The following MAP4K5 variants were observed in gnomAD, a reference collection of about 807,000 sequenced individuals.
MAP4K5 encodes MAPK/ERK kinase kinase kinase 5.
MAP4K5 carries 82 observed loss-of-function variants against 135.6 expected under a neutral mutation model. That is an observed-to-expected ratio of 0.60 (90% CI 0.51 to 0.73). The LOEUF is 0.73. Among genes scored for constraint, MAP4K5 ranks in the 30% least tolerant of loss-of-function variants. The probability of loss-of-function intolerance (pLI) is 0.00; values close to 1 mark genes in which losing one functional copy is unlikely to be tolerated. For synonymous variants in MAP4K5, 347 were observed against 335.0 expected (o/e 1.04, Z -0.39); for missense variants, 907 against 1,010.9 (o/e 0.90, Z 1.39).
chr14:50,434,712 G>A, intron 27 of MAP4K5, 141 bp from the exon 28 acceptor site: 2 of 794,994 alleles, frequency 2.5e-6, no homozygotes, highest in South Asian at 1.8e-5. Context: ...ATGATAAGAA[G>A]GATGAATGTT....
intron 25 of MAP4K5, 86 bp from the exon 26 acceptor site, chr14:50,437,620 G>T: frequency 2.1e-6 from 2 of 945,714 alleles, no homozygotes; most frequent in South Asian, 1.6e-5. Context: ...GAATCAGACA[G>T]AAAGGAGCTT....
intron 14 of MAP4K5, among the ~76,000 whole-genome samples, chr14:50,453,938 G>T (rs1443151200): frequency 1.3e-5 from 2 of 151,978 alleles, no homozygotes; most frequent in South Asian, 2.1e-4. Flanking sequence ...AGACTGATTG[G>T]GTGTGATTCA....
At chr14:50,498,985 T>C (rs1414768688) in intron 3 of MAP4K5, among the ~76,000 whole-genome samples, 1 of 152,192 alleles carries the variant, frequency 6.6e-6, no homozygotes, top group Non-Finnish European at 1.5e-5. Flanking sequence ...CTGAACTGAA[T>C]GTTGGGAAAA....
chr14:50,497,335 G>A (rs985034154), intron 3 of MAP4K5, among the ~76,000 whole-genome samples: 10 of 152,228 alleles, frequency 6.6e-5, no homozygotes, highest in South Asian at 6.2e-4. Context: ...GACATTTGGG[G>A]CATGTATTTG....
At chr14:50,433,316 A>G (rs1340835301) in intron 28 of MAP4K5, among the ~76,000 whole-genome samples, 3 of 152,204 alleles carry the variant, frequency 2.0e-5, no homozygotes, top group African/African-American at 7.2e-5. Context: ...CCTCTTCCAT[A>G]AAGAGTATGT....
At chr14:50,504,568 A>C (rs1400089210) in intron 3 of MAP4K5, among the ~76,000 whole-genome samples, 1 of 152,134 alleles carries the variant, frequency 6.6e-6, no homozygotes, top group African/African-American at 2.4e-5. Flanking sequence ...AAAGAAAATT[A>C]CTTTAACAGT....
chr14:50,547,118 C>A (rs1466178659), intron 1 of MAP4K5, among the ~76,000 whole-genome samples: 1 of 151,962 alleles, frequency 6.6e-6, no homozygotes, highest in Non-Finnish European at 1.5e-5. Flanking sequence ...TATTTACAGG[C>A]TATAAAAATG....
At chr14:50,479,315 T>C (rs2139894367) in intron 6 of MAP4K5, among the ~76,000 whole-genome samples, 1 of 152,288 alleles carries the variant, frequency 6.6e-6, no homozygotes, top group African/African-American at 2.4e-5. Context: ...AAAATTACTT[T>C]TTCTTTCCAT....
intron 2 of MAP4K5, among the ~76,000 whole-genome samples, chr14:50,512,024 G>C (rs2037940102): frequency 6.6e-6 from 1 of 151,972 alleles, no homozygotes; most frequent in Non-Finnish European, 1.5e-5. Context: ...CACAAAATGT[G>C]AATCTTTAGG....
chr14:50,473,553 T>C (rs2037020744), intron 9 of MAP4K5, among the ~76,000 whole-genome samples: 1 of 152,136 alleles, frequency 6.6e-6, no homozygotes, highest in African/African-American at 2.4e-5. Context: ...TCCTGTTTTT[T>C]TACTTGCCTT....
chr14:50,559,481 C>T (rs1191402270), intron 1 of MAP4K5: 1 of 152,070 alleles, frequency 6.6e-6, no homozygotes, highest in Non-Finnish European at 1.5e-5. Context: ...CTGCCAGGGC[C>T]CACCCATACC....
chr14:50,426,311 C>G (rs2035845866), intron 30 of MAP4K5, among the ~76,000 whole-genome samples: 1 of 152,160 alleles, frequency 6.6e-6, no homozygotes, highest in Non-Finnish European at 1.5e-5. Flanking sequence ...ATCATAAAAA[C>G]ATATATAACT....
intron 1 of MAP4K5, among the ~76,000 whole-genome samples, chr14:50,547,961 G>C (rs570771948): frequency 6.6e-6 from 1 of 152,236 alleles, no homozygotes; most frequent in Non-Finnish European, 1.5e-5. Context: ...CTCTTTGCCT[G>C]CCTCAGTCTC....
chr14:50,466,553 T>C, intron 11 of MAP4K5, 30 bp downstream of exon 11: 1 of 1,122,430 alleles, frequency 8.9e-7, no homozygotes, highest in Non-Finnish European at 1.3e-6. Context: ...GATTGTAAAA[T>C]TCTATAAAAC....
intron 2 of MAP4K5, among the ~76,000 whole-genome samples, chr14:50,530,838 A>C (rs1427615132): frequency 2.0e-5 from 3 of 149,396 alleles, no homozygotes; most frequent in Non-Finnish European, 4.5e-5. Flanking sequence ...GTTTGATAAT[A>C]CCACTACCTT....
At chr14:50,459,248 A>G (rs2036657855) in intron 13 of MAP4K5, among the ~76,000 whole-genome samples, 1 of 152,152 alleles carries the variant, frequency 6.6e-6, no homozygotes, top group African/African-American at 2.4e-5. Context: ...TTCTTTCCAA[A>G]CCTGATTTTA....
At chr14:50,437,604 G>T in intron 25 of MAP4K5, 70 bp from the exon 26 acceptor site, 1 of 1,073,512 alleles carries the variant, frequency 9.3e-7, no homozygotes, top group Non-Finnish European at 1.4e-6. Flanking sequence ...TAAATCAGTT[G>T]CATCAGAATC....
intron 1 of MAP4K5, among the ~76,000 whole-genome samples, chr14:50,551,960 A>T (rs551918001): frequency 2.6e-5 from 4 of 152,292 alleles, no homozygotes; most frequent in African/African-American, 9.6e-5. Flanking sequence ...ACAAGACAAG[A>T]ATACCCACTT....
At chr14:50,441,853 A>G (rs1000656497) in intron 21 of MAP4K5, among the ~76,000 whole-genome samples, 3 of 151,892 alleles carry the variant, frequency 2.0e-5, no homozygotes, top group Non-Finnish European at 4.4e-5. Context: ...GCCAATCATT[A>G]TAACCTGTCT....
Sources: allele counts gnomAD v4.1 joint callset (sites outside exome capture counted in the v4.1 genomes callset), GRCh38; gene constraint gnomAD v4.1.1; transcripts MANE v1.5; gene names NCBI Gene and HGNC (gene_info 2026-07-23, HGNC 2026-07-21).